SH3D19: variants seen among roughly 807,000 people sequenced by gnomAD.
SH3D19 encodes SH3 domain containing 19, also known as SH3 domain-containing protein 19.
Under a neutral mutation model 112.1 loss-of-function variants are expected in SH3D19, and 58 were observed. The observed-to-expected ratio is 0.52, with a 90% CI of 0.42 to 0.64. The LOEUF (loss-of-function observed/expected upper bound fraction) is 0.64, where lower values mean the gene tolerates loss of function less well. Ranked by LOEUF, SH3D19 falls within the 30% of genes least tolerant of loss-of-function variation. SH3D19 has a pLI of 0.00. For synonymous variants in SH3D19, 391 were observed against 448.5 expected (o/e 0.87, Z 1.62); for missense variants, 1,090 against 1,263.4 (o/e 0.86, Z 2.08).
intron 19 of SH3D19, among the ~76,000 whole-genome samples, chr4:151,125,138 AGTTTTT>A (rs1421910394): frequency 3.9e-5 from 6 of 152,174 alleles, no homozygotes; most frequent in African/African-American, 7.2e-5. Context: ...GAAGGTTACG[AGTTTTT>A]AATTTTGCAT....
At chr4:151,242,071 G>A (rs894784483) in intron 1 of SH3D19, among the ~76,000 whole-genome samples, 1 of 151,986 alleles carries the variant, frequency 6.6e-6, no homozygotes, top group African/African-American at 2.4e-5. Flanking sequence ...CAAGCCTGCA[G>A]TCTCAGCAAC....
In SH3D19 at chr4:151,202,830, C is replaced by T. The variant is rs182992993; in HGVS notation, c.153-15367G>A. 3.0e-4 allele frequency among the ~76,000 whole-genome samples: 46 copies of T among 152,266 alleles called. 1 individual carries two copies. The East Asian group carries it at 8.1e-3, about 27-fold the overall frequency. ...AATGGAATAACAGAGCATGAGGGCC[C>T]TTCTAAACACCCAAAACTAGTGTGA... On this transcript the variant is annotated intron_variant, in intron 2 of 19. Transcript: ENST00000604030.
At chr4:151,154,925 T>A (rs758890822) in intron 9 of SH3D19, among the ~76,000 whole-genome samples, 1 of 151,922 alleles carries the variant, frequency 6.6e-6, no homozygotes, top group Non-Finnish European at 1.5e-5. Context: ...GCCTGGCTAA[T>A]TTTTGTATTT....
chr4:151,161,984 A>G (rs1757246235), intron 8 of SH3D19, among the ~76,000 whole-genome samples: 1 of 151,762 alleles, frequency 6.6e-6, no homozygotes, highest in African/African-American at 2.4e-5. Context: ...TTTTAAAAGA[A>G]TATTTTTAAA....
chr4:151,222,877 G>A (rs997094348), intron 2 of SH3D19, among the ~76,000 whole-genome samples: 1 of 151,862 alleles, frequency 6.6e-6, no homozygotes, highest in Non-Finnish European at 1.5e-5. Context: ...ATTTTGGCCA[G>A]TCTGGCCTCG....
intron 1 of SH3D19, among the ~76,000 whole-genome samples, chr4:151,269,855 A>C (rs1231741304): frequency 6.6e-6 from 1 of 152,058 alleles, no homozygotes; most frequent in Non-Finnish European, 1.5e-5. Context: ...AACAAAAACA[A>C]AAAAACTAAG....
chr4:151,271,663 T>A (rs1773234348), intron 1 of SH3D19, among the ~76,000 whole-genome samples: 1 of 152,114 alleles, frequency 6.6e-6, no homozygotes, highest in Admixed American at 6.5e-5. Context: ...ATAGGTACCA[T>A]CAACATCAAT....
At chr4:151,279,990 A>G in intron 1 of SH3D19, 1 of 1,312,762 alleles carries the variant, frequency 7.6e-7, no homozygotes, top group Non-Finnish European at 1.0e-6. Flanking sequence ...ACACACAGAC[A>G]GGTTCTCAGT....
At chr4:151,240,467 G>T (rs1290008083) in intron 1 of SH3D19, among the ~76,000 whole-genome samples, 4 of 151,302 alleles carry the variant, frequency 2.6e-5, no homozygotes, top group Admixed American at 2.6e-4. Context: ...ATAAGCAGAA[G>T]GTACTGCACA....
intron 2 of SH3D19, among the ~76,000 whole-genome samples, chr4:151,191,771 G>A (rs753735383): frequency 6.8e-5 from 10 of 146,612 alleles, no homozygotes; most frequent in East Asian, 4.2e-4. Context: ...TCAGCTTCCC[G>A]AGTAGCTGGG....
At chr4:151,244,358 T>C (rs991057737) in intron 1 of SH3D19, among the ~76,000 whole-genome samples, 6 of 152,222 alleles carry the variant, frequency 3.9e-5, no homozygotes, top group Admixed American at 3.3e-4. Context: ...CAAATGTTGA[T>C]AGGGCATAGA....
At chr4:151,318,122 C>T (rs1730172316) in intron 1 of SH3D19, among the ~76,000 whole-genome samples, 1 of 151,130 alleles carries the variant, frequency 6.6e-6, no homozygotes, top group East Asian at 1.9e-4. Flanking sequence ...ATGGTGAAAC[C>T]CTGTCTCTAA....
At chr4:151,136,036 A>AAAACAAAACAAAAC (rs1751779331) in intron 14 of SH3D19, among the ~76,000 whole-genome samples, 2 of 145,176 alleles carry the variant, frequency 1.4e-5, no homozygotes, top group African/African-American at 5.3e-5. Context: ...CAAAACAAAA[A>AAAACAAAACAAAAC]CAACTTGTGG....
intron 2 of SH3D19, among the ~76,000 whole-genome samples, chr4:151,192,217 G>C (rs1485536455): frequency 1.3e-5 from 2 of 152,160 alleles, no homozygotes; most frequent in African/African-American, 2.4e-5. Context: ...GATTACAGGC[G>C]TGAGCCACCG....
intron 1 of SH3D19, among the ~76,000 whole-genome samples, chr4:151,287,436 T>A (rs1774917115): frequency 6.6e-6 from 1 of 151,170 alleles, no homozygotes; most frequent in African/African-American, 2.4e-5. Flanking sequence ...ACAAGGAAGC[T>A]ATAGACCAGT....
intron 2 of SH3D19, among the ~76,000 whole-genome samples, chr4:151,189,331 T>A (rs1762269636): frequency 6.6e-6 from 1 of 152,052 alleles, no homozygotes; most frequent in Non-Finnish European, 1.5e-5. Context: ...GCCAGGATGG[T>A]CTCGATCTCC....
At chr4:151,157,427 T>A (rs1388888551) in intron 9 of SH3D19, among the ~76,000 whole-genome samples, 33 of 146,460 alleles carry the variant, frequency 2.3e-4, no homozygotes, top group Non-Finnish European at 2.5e-4. Context: ...ATCTAAAAGA[T>A]AAAAAAAAAA....
At chr4:151,289,184 T>C (rs559481189) in intron 1 of SH3D19, among the ~76,000 whole-genome samples, 12 of 152,282 alleles carry the variant, frequency 7.9e-5, no homozygotes, top group African/African-American at 2.6e-4. Flanking sequence ...GACAACCACA[T>C]GCAAAAGAAT....
intron 1 of SH3D19, among the ~76,000 whole-genome samples, chr4:151,292,315 A>G (rs1434957710): frequency 6.6e-6 from 1 of 152,052 alleles, no homozygotes; most frequent in Admixed American, 6.5e-5. Flanking sequence ...AAAAAAAGGA[A>G]AAGAAAAGAA....
Sources: gnomAD v4.1 joint callset for allele counts (sites outside exome capture counted in the v4.1 genomes callset) on GRCh38, gnomAD v4.1.1 for gene constraint, MANE v1.5 for transcripts, NCBI Gene and HGNC (gene_info 2026-07-23, HGNC 2026-07-21) for gene names.